Variants in SLC44A5 observed in about 807,000 individuals in gnomAD.
The protein encoded by SLC44A5 is solute carrier family 44 member 5.
SLC44A5 carries 57 observed loss-of-function variants against 101.8 expected under a neutral mutation model. The ratio of observed to expected loss-of-function variants is 0.56; its 90% CI spans 0.45 to 0.70. The LOEUF (loss-of-function observed/expected upper bound fraction) is 0.70, where lower values mean the gene tolerates loss of function less well. SLC44A5 is among the 30% of genes least tolerant of loss of function. SLC44A5 has a pLI of 0.00. For synonymous variants in SLC44A5, 281 were observed against 290.9 expected (o/e 0.97, Z 0.35); for missense variants, 737 against 853.1 (o/e 0.86, Z 1.70).
chr1:75,312,394 T>C (rs1419175513), intron 4 of SLC44A5, among the ~76,000 whole-genome samples: 1 of 152,102 alleles, frequency 6.6e-6, no homozygotes, highest in Non-Finnish European at 1.5e-5. Context: ...CCAAGGTTCA[T>C]GTGTTGGAAA....
At chr1:75,605,762 C>T (rs1185969919) in intron 1 of SLC44A5, among the ~76,000 whole-genome samples, 4 of 152,040 alleles carry the variant, frequency 2.6e-5, no homozygotes, top group Non-Finnish European at 5.9e-5. Flanking sequence ...GAACCCTAAT[C>T]ATTTATTTAA....
intron 23 of SLC44A5, among the ~76,000 whole-genome samples, chr1:75,207,612 C>T (rs1042136899): frequency 6.6e-6 from 1 of 152,116 alleles, no homozygotes; most frequent in Non-Finnish European, 1.5e-5. Flanking sequence ...CAGTGACCTT[C>T]CTCACATACA....
intron 1 of SLC44A5, among the ~76,000 whole-genome samples, chr1:75,567,257 T>C (rs564135608): frequency 3.2e-4 from 49 of 152,290 alleles, no homozygotes; most frequent in African/African-American, 1.1e-3. Flanking sequence ...TACTTTCCTA[T>C]GTACAGCTCC....
At chr1:75,404,905 T>C (rs1439254163) in intron 2 of SLC44A5, among the ~76,000 whole-genome samples, 1 of 152,104 alleles carries the variant, frequency 6.6e-6, no homozygotes, top group Admixed American at 6.5e-5. Context: ...GACTGGCAAA[T>C]TGGATAAAGA....
intron 23 of SLC44A5, among the ~76,000 whole-genome samples, chr1:75,207,204 C>T (rs769805423): frequency 3.3e-5 from 5 of 152,122 alleles, no homozygotes; most frequent in East Asian, 1.9e-4. Context: ...TAAAACAACT[C>T]GCTGAAGTCA....
chr1:75,688,286 G>A, the SLC44A5 span, among the ~76,000 whole-genome samples: 1 of 152,288 alleles, frequency 6.6e-6, no homozygotes, highest in Admixed American at 6.5e-5. Context: ...GCAAGACACT[G>A]ACCCCAGTTG....
intron 2 of SLC44A5, chr1:75,398,268 A>G: frequency 5.7e-6 from 2 of 352,858 alleles, no homozygotes; most frequent in Non-Finnish European, 7.9e-6. Flanking sequence ...ATTTTAGCTT[A>G]TATAATAACA....
chr1:75,211,429 A>C, intron 23 of SLC44A5, 39 bp downstream of exon 23: 2 of 1,498,770 alleles, frequency 1.3e-6, no homozygotes, highest in Non-Finnish European at 1.9e-6. Context: ...CCTTTCAGTT[A>C]TCCACCGAAG....
At chr1:75,465,983 T>C (rs1254560088) in intron 2 of SLC44A5, among the ~76,000 whole-genome samples, 2 of 152,162 alleles carry the variant, frequency 1.3e-5, no homozygotes, top group Admixed American at 1.3e-4. Context: ...CCTCAAACTA[T>C]TCCAAAATTA....
At chr1:75,319,363 G>A (rs1024898315) in intron 4 of SLC44A5, among the ~76,000 whole-genome samples, 4 of 152,118 alleles carry the variant, frequency 2.6e-5, no homozygotes, top group Non-Finnish European at 5.9e-5. Flanking sequence ...ATAATAGGTT[G>A]AATTTGTTAT....
At chr1:75,216,676 G>A (rs1190150492) in intron 18 of SLC44A5, among the ~76,000 whole-genome samples, 1 of 151,688 alleles carries the variant, frequency 6.6e-6, no homozygotes, top group Non-Finnish European at 1.5e-5. Context: ...GTCTCATTGT[G>A]GTTTTGACTT....
At chr1:75,373,239 G>A (rs892737313) in intron 3 of SLC44A5, among the ~76,000 whole-genome samples, 1 of 152,080 alleles carries the variant, frequency 6.6e-6, no homozygotes, top group Admixed American at 6.5e-5. Context: ...ACCAAAAATC[G>A]ATAGGGAGGT....
rs925970301 is a variant in SLC44A5, at chr1:75,354,300, C to A, written c.53-14670G>T. Among the ~76,000 whole-genome samples the A allele has an allele frequency of 5.3e-5, 8 of 152,166 alleles. No individual in the cohort carries two copies. The South Asian group carries it at 8.3e-4, about 16-fold the overall frequency. ...AGGTTATTTCATTTCCAATCATTCC[C>A]CAAACTTCTTGATTGGTGGAATACT... is the stretch of plus-strand genomic sequence containing the variant. On this transcript the variant is annotated intron_variant, in intron 3 of 23. Transcript: ENST00000370859.
At chr1:75,513,521 G>A (rs1383286262) in intron 2 of SLC44A5, among the ~76,000 whole-genome samples, 1 of 152,084 alleles carries the variant, frequency 6.6e-6, no homozygotes, top group Non-Finnish European at 1.5e-5. Flanking sequence ...ATATATCAGA[G>A]GGCTAATACT....
At chr1:75,312,449 G>A (rs1655379951) in intron 4 of SLC44A5, among the ~76,000 whole-genome samples, 1 of 152,026 alleles carries the variant, frequency 6.6e-6, no homozygotes, top group Admixed American at 6.6e-5. Context: ...ATCTTTGAGA[G>A]GTGATTAGTT....
chr1:75,420,045 C>A (rs995855786), intron 2 of SLC44A5, among the ~76,000 whole-genome samples: 1 of 151,964 alleles, frequency 6.6e-6, no homozygotes, highest in Non-Finnish European at 1.5e-5. Flanking sequence ...GGGGGCAGAG[C>A]CTTCATGAAT....
At chr1:75,540,661 T>C (rs1020876196) in intron 2 of SLC44A5, among the ~76,000 whole-genome samples, 2 of 152,240 alleles carry the variant, frequency 1.3e-5, no homozygotes, top group Non-Finnish European at 2.9e-5. Context: ...CTTTAAGCTA[T>C]ACATTCTGTA....
intron 3 of SLC44A5, among the ~76,000 whole-genome samples, chr1:75,347,232 A>G (rs1658313515): frequency 6.6e-6 from 1 of 152,250 alleles, no homozygotes; most frequent in Admixed American, 6.5e-5. Context: ...CTGCTTCCTC[A>G]TATCACCCAC....
At chr1:75,562,375 G>A (rs1672564995) in intron 1 of SLC44A5, among the ~76,000 whole-genome samples, 1 of 152,106 alleles carries the variant, frequency 6.6e-6, no homozygotes, top group Admixed American at 6.5e-5. Context: ...ATTTTTGTAA[G>A]TGAGAATTTT....
Sources: allele counts gnomAD v4.1 joint callset (sites outside exome capture counted in the v4.1 genomes callset), GRCh38; gene constraint gnomAD v4.1.1; transcripts MANE v1.5; gene names NCBI Gene and HGNC (gene_info 2026-07-23, HGNC 2026-07-21).